Variants in PTPRN2 observed in about 807,000 individuals in gnomAD.
PTPRN2 encodes the protein receptor-type tyrosine-protein phosphatase N2.
Under a neutral mutation model 118.8 loss-of-function variants are expected in PTPRN2, and 74 were observed. The ratio of observed to expected loss-of-function variants is 0.62; its 90% CI spans 0.52 to 0.76. The LOEUF (loss-of-function observed/expected upper bound fraction) is 0.76. PTPRN2 is among the 30% of genes least tolerant of loss of function. The pLI is 0.00. For synonymous variants in PTPRN2, 641 were observed against 608.0 expected, an observed-to-expected ratio of 1.05 and a Z score of -0.80; for missense variants, 1,481 against 1,394.4, an observed-to-expected ratio of 1.06 and a Z score of -0.99.
chr7:158,210,258 C>T (rs1827498090), intron 3 of PTPRN2, among the ~76,000 whole-genome samples: 1 of 145,954 alleles, frequency 6.9e-6, no homozygotes, highest in Non-Finnish European at 1.6e-5. Context: ...GCCTCAGCCT[C>T]CCGAGTAGCT....
chr7:158,257,428 G>A lies in PTPRN2; in HGVS notation c.278-52155C>T, dbSNP rs1055787085. ...GGCGTGATTTGAGGACCTGCTGTACGTGCGCTAAACGTCTTTTTCTTGTTA... is the reference window on the plus strand; with the variant it reads ...GGCGTGATTTGAGGACCTGCTGTACATGCGCTAAACGTCTTTTTCTTGTTA... On this transcript the variant is annotated intron_variant, in intron 3 of 22. Transcript: ENST00000389418. Among the ~76,000 whole-genome samples, 10 of 152,264 alleles carry A rather than the reference G, an allele frequency of 6.6e-5. No homozygotes were observed. The East Asian group carries it at 1.4e-3, about 21-fold the overall frequency.
At chr7:158,202,397 G>A (rs775227253) in intron 4 of PTPRN2, among the ~76,000 whole-genome samples, 79 of 152,100 alleles carry the variant, frequency 5.2e-4, no homozygotes, top group Non-Finnish European at 9.1e-4. Context: ...GGACTGGGGA[G>A]GCCTTTGGGT....
chr7:158,276,729 G>A (rs1799031164), intron 3 of PTPRN2, among the ~76,000 whole-genome samples: 1 of 152,236 alleles, frequency 6.6e-6, no homozygotes, highest in Non-Finnish European at 1.5e-5. Flanking sequence ...GGATGTGGGT[G>A]CTATGACACC....
intron 14 of PTPRN2, among the ~76,000 whole-genome samples, chr7:157,633,929 C>T (rs1328121613): frequency 6.6e-6 from 1 of 152,196 alleles, no homozygotes; most frequent in Non-Finnish European, 1.5e-5. Flanking sequence ...GAAGACCACC[C>T]TGGTTCCCAG....
At chr7:157,834,306 CA>C (rs1807788381) in intron 12 of PTPRN2, among the ~76,000 whole-genome samples, 1 of 142,150 alleles carries the variant, frequency 7.0e-6, no homozygotes, top group Non-Finnish European at 1.5e-5. Context: ...CCATCAATTC[CA>C]CCCACCAGTG....
At chr7:157,818,575 CACG>C (rs1345064743) in intron 12 of PTPRN2, among the ~76,000 whole-genome samples, 1 of 151,996 alleles carries the variant, frequency 6.6e-6, no homozygotes, top group African/African-American at 2.4e-5. Flanking sequence ...GGGCAGAGGC[CACG>C]ACACCGAGGC....
intron 1 of PTPRN2, among the ~76,000 whole-genome samples, chr7:158,585,173 A>C (rs1395569391): frequency 6.6e-6 from 1 of 152,210 alleles, no homozygotes; most frequent in Non-Finnish European, 1.5e-5. Context: ...CCTGCCCGGC[A>C]CAGGTAAGAA....
chr7:158,356,807 T>C (rs1808420967), intron 2 of PTPRN2, among the ~76,000 whole-genome samples: 1 of 148,230 alleles, frequency 6.7e-6, no homozygotes, highest in Admixed American at 6.7e-5. Flanking sequence ...AAAGTAGAAA[T>C]AATTTCTGAT....
At chr7:158,472,651 G>C (rs1819943955) in intron 2 of PTPRN2, among the ~76,000 whole-genome samples, 1 of 152,186 alleles carries the variant, frequency 6.6e-6, no homozygotes, top group South Asian at 2.1e-4. Flanking sequence ...CCATCAGTTA[G>C]AGGGAAATCA....
intron 21 of PTPRN2, among the ~76,000 whole-genome samples, chr7:157,565,969 CT>C (rs1204443511): frequency 6.6e-6 from 1 of 152,258 alleles, no homozygotes; most frequent in Middle Eastern, 3.2e-3. Context: ...AGCCTGTTGA[CT>C]TTCATTCCAA....
chr7:158,397,241 C>G (rs1208789804), intron 2 of PTPRN2, among the ~76,000 whole-genome samples: 3 of 152,252 alleles, frequency 2.0e-5, no homozygotes, highest in Non-Finnish European at 4.4e-5. Flanking sequence ...GAGATGCCCT[C>G]CGAGGTAGGG....
At chr7:157,673,106 G>A (rs562129867) in intron 13 of PTPRN2, among the ~76,000 whole-genome samples, 6 of 152,124 alleles carry the variant, frequency 3.9e-5, no homozygotes, top group South Asian at 2.1e-4. Flanking sequence ...TCACCGCAAC[G>A]TCTGCCTCCC....
intron 11 of PTPRN2, among the ~76,000 whole-genome samples, chr7:158,071,473 T>C (rs1185111697): frequency 8.5e-6 from 1 of 117,038 alleles, no homozygotes; most frequent in African/African-American, 4.0e-5. Flanking sequence ...CTCGTGGTGG[T>C]GGAGGTTCTC....
At chr7:158,145,597 A>C (rs933561559) in intron 6 of PTPRN2, among the ~76,000 whole-genome samples, 9 of 152,248 alleles carry the variant, frequency 5.9e-5, no homozygotes, top group African/African-American at 2.2e-4. Flanking sequence ...GGAAAGCCAG[A>C]GCACCCTGGC....
intron 12 of PTPRN2, among the ~76,000 whole-genome samples, chr7:157,774,491 T>C (rs1803072164): frequency 6.6e-6 from 1 of 152,240 alleles, no homozygotes; most frequent in Non-Finnish European, 1.5e-5. Flanking sequence ...TCACTGGAAG[T>C]TGAGCTGCAG....
chr7:157,911,173 A>G, intron 11 of PTPRN2, among the ~76,000 whole-genome samples: 1 of 152,156 alleles, frequency 6.6e-6, no homozygotes, highest in Non-Finnish European at 1.5e-5. Flanking sequence ...CTGATGCCTG[A>G]CCACCCGAAG....
intron 19 of PTPRN2, among the ~76,000 whole-genome samples, chr7:157,575,430 C>T (rs79421961): frequency 0.035 from 5,403 of 152,260 alleles, 231 homozygotes; most frequent in East Asian, 0.14. Flanking sequence ...GGGGAGGTGA[C>T]GGCAGGCAGG....
chr7:158,585,020 T>G (rs1478778247), intron 1 of PTPRN2, among the ~76,000 whole-genome samples: 1 of 152,168 alleles, frequency 6.6e-6, no homozygotes, highest in Non-Finnish European at 1.5e-5. Flanking sequence ...GGTAAATAAA[T>G]AAATAGATTA....
intron 1 of PTPRN2, among the ~76,000 whole-genome samples, chr7:158,498,743 G>A (rs772637258): frequency 9.9e-5 from 15 of 152,206 alleles, no homozygotes; most frequent in African/African-American, 2.4e-5. Context: ...ATTAAATACT[G>A]CAGGTGCAGG....
Sources: allele counts gnomAD v4.1 joint callset (sites outside exome capture counted in the v4.1 genomes callset), GRCh38; gene constraint gnomAD v4.1.1; transcripts MANE v1.5; gene names NCBI Gene and HGNC (gene_info 2026-07-23, HGNC 2026-07-21).